Variants in DTX4 observed in about 807,000 individuals in gnomAD.
The protein encoded by DTX4 is deltex E3 ubiquitin ligase 4.
Under a neutral mutation model 57.6 loss-of-function variants are expected in DTX4, and 28 were observed. The ratio of observed to expected loss-of-function variants is 0.49; its 90% CI spans 0.36 to 0.67. The LOEUF (loss-of-function observed/expected upper bound fraction) is 0.67. Ranked by LOEUF, DTX4 falls within the 30% of genes least tolerant of loss-of-function variation. The pLI, the probability that DTX4 is intolerant of heterozygous loss-of-function variation, is 0.00. For synonymous variants in DTX4, 316 were observed against 331.0 expected, an observed-to-expected ratio of 0.95 and a Z score of 0.49; for missense variants, 715 against 836.8, an observed-to-expected ratio of 0.85 and a Z score of 1.80.
chr11:59,175,011 C>T (rs931292498), intron 1 of DTX4, among the ~76,000 whole-genome samples: 4 of 152,170 alleles, frequency 2.6e-5, no homozygotes, highest in African/African-American at 4.8e-5. Context: ...TCTGTCAGGG[C>T]GCTTGTCAAA....
At chr11:59,200,343 C>A (rs1475185084) in intron 8 of DTX4, among the ~76,000 whole-genome samples, 1 of 152,136 alleles carries the variant, frequency 6.6e-6, no homozygotes, top group Non-Finnish European at 1.5e-5. Flanking sequence ...GGGACACAGC[C>A]AAACCATGTC....
intron 8 of DTX4, among the ~76,000 whole-genome samples, chr11:59,202,460 C>T (rs1862751381): frequency 6.6e-6 from 1 of 152,220 alleles, no homozygotes; most frequent in Admixed American, 6.5e-5. Flanking sequence ...AAATGCACAG[C>T]ATAGTGACAG....
At position 59,204,976 on chromosome 11, in the gene DTX4, C is replaced by A; in HGVS notation, c.*67C>A. ...AGGACAGGAAGTGAGGAGAGTGAGT[C>A]AATGTAGAAGAAGTTGGTGTCCTGC... On this transcript the variant is annotated 3_prime_UTR_variant, in exon 9 of 9. Coordinates refer to ENST00000227451, the MANE Select transcript of DTX4 (RefSeq NM_015177.2). 7.1e-7 allele frequency: 1 copy of A among 1,414,376 alleles called. No individual in the cohort carries two copies. Among genetic ancestry groups the A allele is most frequent in the South Asian group, 1.3e-5 (1 of 79,376 alleles). The allele number at this position is 1,414,376 out of a possible 1,614,324, so 87.6% of individuals were successfully genotyped here.
Position 59,185,596 on chromosome 11 carries a change from A to G in DTX4, c.935+3134A>G, listed in dbSNP as rs75946037. Among the ~76,000 whole-genome samples, 1,123 of 152,232 alleles carry G rather than the reference A, an allele frequency of 7.4e-3. 16 individuals carry two copies. Among genetic ancestry groups the G allele is most frequent in the African/African-American group, 0.026 (1,074 of 41,510 alleles). ...TCAGGCTTTTGAAGCTGAGGCCCCA[A>G]AAGGGTGTGACCAGCTGGGACTTCA... On this transcript the variant is annotated intron_variant, in intron 2 of 8. Coordinates refer to ENST00000227451, the MANE Select transcript of DTX4 (RefSeq NM_015177.2).
At chr11:59,190,208 A>T (rs1279802919) in intron 4 of DTX4, among the ~76,000 whole-genome samples, 1 of 152,178 alleles carries the variant, frequency 6.6e-6, no homozygotes, top group Non-Finnish European at 1.5e-5. Flanking sequence ...TCCCTGCTTA[A>T]ATGAGCTCAA....
In DTX4 at chr11:59,182,361, A is replaced by G. The variant is rs373646554; in HGVS notation, c.834A>G (p.Pro278=). 12 of 1,613,564 alleles carry G rather than the reference A, an allele frequency of 7.4e-6. No homozygotes were observed. The East Asian group carries it at 1.3e-4, about 18-fold the overall frequency. The part of the protein sequence containing the change: ...GTTMGSPASP[P]GPNSKTGRVA... ...CCATGGGCTCTCCTGCCAGTCCCCC[A>G]GGACCCAACAGCAAGACCGGAAGGG... The change falls in exon 2 of 9, where the codon CCA becomes CCG. Residue 278 remains proline, a synonymous_variant. Coordinates refer to ENST00000227451, the MANE Select transcript of DTX4 (RefSeq NM_015177.2).
chr11:59,172,096 G>A (rs1299057015), upstream of DTX4, among the ~76,000 whole-genome samples: 1 of 151,336 alleles, frequency 6.6e-6, no homozygotes, highest in Non-Finnish European at 1.5e-5. Context: ...AAGGGGTGGG[G>A]AGGGAGGGAG....
At chr11:59,177,459 C>A (rs923329921) in intron 1 of DTX4, among the ~76,000 whole-genome samples, 2 of 152,212 alleles carry the variant, frequency 1.3e-5, no homozygotes, top group Non-Finnish European at 2.9e-5. Flanking sequence ...CTCCACTCAC[C>A]TGGAACTAAT....
chr11:59,190,975 C>T, intron 4 of DTX4, 139 bp from the exon 5 acceptor site: 1 of 722,730 alleles, frequency 1.4e-6, no homozygotes, highest in Non-Finnish European at 2.3e-6. Context: ...ATGTTCTTAA[C>T]TTAAATTGCA....
At chr11:59,178,963 A>G (rs1052410651) in intron 1 of DTX4, among the ~76,000 whole-genome samples, 2 of 152,062 alleles carry the variant, frequency 1.3e-5, no homozygotes, top group African/African-American at 4.8e-5. Context: ...AAACCTAGAA[A>G]GGTATATTAT....
intron 8 of DTX4, 78 bp downstream of exon 8, chr11:59,199,851 T>G: frequency 7.9e-7 from 1 of 1,267,590 alleles, no homozygotes; most frequent in Admixed American, 2.1e-5. Flanking sequence ...GGCCTAAAGT[T>G]TTGCTTCTTA....
intron 7 of DTX4, among the ~76,000 whole-genome samples, chr11:59,198,620 G>T (rs530190041): frequency 3.6e-4 from 55 of 152,254 alleles, no homozygotes; most frequent in African/African-American, 1.2e-3. Context: ...AAAAATCTGG[G>T]TTTTTTTCTT....
intron 1 of DTX4, among the ~76,000 whole-genome samples, chr11:59,177,416 G>A (rs150062516): frequency 6.6e-6 from 1 of 152,272 alleles, no homozygotes; most frequent in East Asian, 1.9e-4. Flanking sequence ...TCTCCAGTTT[G>A]TCACCTTCTT....
chr11:59,194,449 A>G (rs965726113), intron 6 of DTX4, among the ~76,000 whole-genome samples: 2 of 152,196 alleles, frequency 1.3e-5, no homozygotes, highest in African/African-American at 4.8e-5. Flanking sequence ...CTTAGTGGCC[A>G]ATTTCTCTTT....
intron 3 of DTX4, 21 bp from the exon 4 acceptor site, chr11:59,189,141 C>T (rs1415130645): frequency 6.2e-7 from 1 of 1,612,382 alleles, no homozygotes; most frequent in African/African-American, 1.3e-5. Flanking sequence ...TCTTTCCTCA[C>T]CCATGCCCTG....
Position 59,181,744 on chromosome 11 carries a change from C to G in DTX4, c.217C>G (p.Leu73Val), listed in dbSNP as rs571644429. The change falls in exon 2 of 9, where the codon CTC becomes GTC. Residue 73 changes from leucine (L) to valine (V), a missense_variant. Transcript: ENST00000227451. ...MNQFRQDTGTLRPVRRNYYDP... is the reference protein window; with the variant it reads ...MNQFRQDTGTVRPVRRNYYDP... The stretch of plus-strand genomic sequence containing the variant: ...CCCCTATCCCACCCTGGCAGGAACT[C>G]TCCGCCCAGTTCGCCGCAACTACTA... 2 of 1,598,888 alleles carry G rather than the reference C, an allele frequency of 1.3e-6. No homozygotes were observed. The highest frequency in any genetic ancestry group is 1.7e-6 in the Non-Finnish European group (2 of 1,170,782).
rs1183981559 is a variant in DTX4 at position 59,172,285 on chromosome 11, C to T, written c.-311C>T. On this transcript the variant is annotated 5_prime_UTR_variant, in exon 1 of 9. Transcript: ENST00000227451. ...CGCCCGCCGAGTGGCTTTTGCAAGGCGGGGGCCTGTTTGCAGAGAGCCGGG... is the reference window on the plus strand; with the variant it reads ...CGCCCGCCGAGTGGCTTTTGCAAGGTGGGGGCCTGTTTGCAGAGAGCCGGG... Among the ~76,000 whole-genome samples the T allele has an allele frequency of 3.3e-5, 5 of 151,576 alleles. No homozygotes were observed. Among genetic ancestry groups the T allele is most frequent in the African/African-American group, 1.2e-4 (5 of 41,326 alleles).
At chr11:59,174,006 C>T (rs1391525892) in intron 1 of DTX4, among the ~76,000 whole-genome samples, 1 of 152,122 alleles carries the variant, frequency 6.6e-6, no homozygotes, top group Non-Finnish European at 1.5e-5. Flanking sequence ...AAAGGCCCTC[C>T]CCAGTGAACA....
intron 2 of DTX4, 55 bp from the exon 3 acceptor site, chr11:59,188,680 G>A: frequency 7.0e-7 from 1 of 1,436,926 alleles, no homozygotes; most frequent in Non-Finnish European, 9.8e-7. Flanking sequence ...TTAAATACTG[G>A]TCCATTTTGT....
Sources: gnomAD v4.1 joint callset for allele counts (sites outside exome capture counted in the v4.1 genomes callset) on GRCh38, gnomAD v4.1.1 for gene constraint, MANE v1.5 for transcripts, NCBI Gene and HGNC (gene_info 2026-07-23, HGNC 2026-07-21) for gene names.